The following IGSF10 variants were observed in gnomAD, a reference collection of about 807,000 sequenced individuals.
The protein encoded by IGSF10 is immunoglobulin superfamily member 10, also known as calvaria mechanical force protein 608.
A neutral mutation model predicts 128.2 loss-of-function variants in IGSF10; 126 were observed. The observed-to-expected ratio is 0.98, with a 90% confidence interval of 0.85 to 1.14. The LOEUF is 1.14. IGSF10 is among the 50% of genes most tolerant of loss of function. The pLI, the probability that IGSF10 is intolerant of heterozygous loss-of-function variation, is 0.00. For missense variants in IGSF10, 3,295 were observed against 3,149.8 expected, an observed-to-expected ratio of 1.05 and a Z score of -1.10; for synonymous variants, 1,185 against 1,146.2, an observed-to-expected ratio of 1.03 and a Z score of -0.68.
At chr3:151,528,817 T>C in the IGSF10 span, among the ~76,000 whole-genome samples, 2,056 of 136,846 alleles carry the variant, frequency 0.015, 17 homozygotes, top group South Asian at 0.032. Context: ...TTTTTTTTTT[T>C]CATACCCCAG....
chr3:151,463,531 T>TTTTTGTTTTTTTTTTG (rs1560185468), upstream of IGSF10, among the ~76,000 whole-genome samples: 1 of 61,734 alleles, frequency 1.6e-5, no homozygotes, highest in Non-Finnish European at 3.0e-5. Context: ...TGGTTTTTTT[T>TTTTTGTTTTTTTTTTG]TTTTTTTTTT....
At chr3:151,568,954 T>C in the IGSF10 span, among the ~76,000 whole-genome samples, 2 of 152,208 alleles carry the variant, frequency 1.3e-5, no homozygotes, top group African/African-American at 2.4e-5. Flanking sequence ...TCACAGTCAT[T>C]GCACAGCCCC....
At chr3:151,524,859 G>T in the IGSF10 span, among the ~76,000 whole-genome samples, 3 of 151,812 alleles carry the variant, frequency 2.0e-5, no homozygotes, top group Admixed American at 1.3e-4. Context: ...TCAACTGAGT[G>T]GATTTTGATT....
the IGSF10 span, among the ~76,000 whole-genome samples, chr3:151,552,469 A>G: frequency 6.6e-6 from 1 of 152,236 alleles, no homozygotes; most frequent in African/African-American, 2.4e-5. Context: ...GTAAATATGA[A>G]TTTCAGGAAT....
At chr3:151,492,429 A>G in the IGSF10 span, among the ~76,000 whole-genome samples, 1 of 152,342 alleles carries the variant, frequency 6.6e-6, no homozygotes, top group Non-Finnish European at 1.5e-5. Flanking sequence ...TGGTTCAGCT[A>G]TTATGGAAAA....
intron 5 of IGSF10, among the ~76,000 whole-genome samples, chr3:151,450,027 AGAACAT>A (rs925391510): frequency 7.2e-5 from 11 of 152,178 alleles, no homozygotes; most frequent in Admixed American, 6.5e-5. Flanking sequence ...GGGGGAGGGA[AGAACAT>A]TTTGCCAAGG....
At chr3:151,527,343 G>A in the IGSF10 span, among the ~76,000 whole-genome samples, 1 of 152,108 alleles carries the variant, frequency 6.6e-6, no homozygotes, top group Non-Finnish European at 1.5e-5. Flanking sequence ...ATCAAAACAT[G>A]TCTGTGGGGT....
At chr3:151,506,318 A>G in the IGSF10 span, among the ~76,000 whole-genome samples, 1 of 152,078 alleles carries the variant, frequency 6.6e-6, no homozygotes, top group Non-Finnish European at 1.5e-5. Context: ...TCTTGGCCCT[A>G]TTCCTTTATG....
chr3:151,445,839 G>C lies in IGSF10; in HGVS notation c.4142C>G (p.Thr1381Arg), dbSNP rs772349771. The change falls in exon 6 of 8, where the codon ACA (threonine) becomes AGA (arginine). Residue 1381 changes from threonine (T) to arginine (R), a missense_variant. Physicochemically the swap from Thr to Arg is moderately conservative, Grantham distance 71. Transcript: ENST00000282466. ...ACTGGGCTTGACTGAAGTTTCGGCT[G>C]TGGTTAGAACAGGAGGTGTCATAGC... ...PTAMTPPVLT[T>R]AETSVKPSVS... 2.5e-6 allele frequency: 4 copies of C among 1,614,220 alleles called. No homozygotes were observed. In the South Asian group the frequency reaches 4.4e-5, roughly 18 times the overall value.
chr3:151,613,374 C>A, the IGSF10 span, among the ~76,000 whole-genome samples: 530 of 152,270 alleles, frequency 3.5e-3, 3 homozygotes, highest in African/African-American at 0.012. Context: ...CAAGTCAATC[C>A]TAAGCCAAAA....
chr3:151,515,752 T>TG, the IGSF10 span, among the ~76,000 whole-genome samples: 1 of 149,476 alleles, frequency 6.7e-6, no homozygotes, highest in African/African-American at 2.5e-5. Context: ...TGTGTGTGTG[T>TG]TTGTGTGTAT....
the IGSF10 span, among the ~76,000 whole-genome samples, chr3:151,557,516 T>C: frequency 6.6e-6 from 1 of 152,100 alleles, no homozygotes; most frequent in African/African-American, 2.4e-5. Flanking sequence ...TTCCCTGCAT[T>C]TGCTACTTCC....
chr3:151,498,308 G>A, the IGSF10 span, among the ~76,000 whole-genome samples: 25 of 152,276 alleles, frequency 1.6e-4, no homozygotes, highest in African/African-American at 3.6e-4. Context: ...CTATGGGTTT[G>A]TCATAGATAG....
the IGSF10 span, among the ~76,000 whole-genome samples, chr3:151,512,167 TTC>T: frequency 6.6e-6 from 1 of 152,144 alleles, no homozygotes; most frequent in Non-Finnish European, 1.5e-5. Flanking sequence ...ATACATTCTT[TTC>T]AACACCACAC....
intron 7 of IGSF10, among the ~76,000 whole-genome samples, chr3:151,439,109 AT>A (rs1458791603): frequency 6.6e-6 from 1 of 152,202 alleles, no homozygotes; most frequent in African/African-American, 2.4e-5. Context: ...TTTAAAAAAA[AT>A]CTTAATGAAG....
the IGSF10 span, among the ~76,000 whole-genome samples, chr3:151,537,458 T>G: frequency 0.46 from 69,761 of 152,020 alleles, 16,413 homozygotes; most frequent in South Asian, 0.55. Context: ...TCTGCACTCT[T>G]TAGATGGAGA....
chr3:151,592,781 C>G, the IGSF10 span, among the ~76,000 whole-genome samples: 1 of 152,090 alleles, frequency 6.6e-6, no homozygotes, highest in Non-Finnish European at 1.5e-5. Flanking sequence ...TTTAAGTGCT[C>G]TCAGTGACAC....
In IGSF10 at chr3:151,453,924, A is replaced by G; in HGVS notation, c.325-150T>C. The G allele has an allele frequency of 5.7e-6, 3 of 526,572 alleles. No individual in the cohort carries two copies. The Admixed American group carries it at 1.1e-4, about 19-fold the overall frequency. 32.6% of individuals were successfully genotyped at this position (526,572 alleles called of 1,614,324 possible). ...CCCAATTCAATCAAATTCATTGCAA[A>G]TTAAATATGACAATATCAGAAAAAT... On this transcript the variant is annotated intron_variant, in intron 4 of 7. Coordinates refer to ENST00000282466, the MANE Select transcript of IGSF10 (RefSeq NM_178822.5).
chr3:151,499,287 G>A, the IGSF10 span, among the ~76,000 whole-genome samples: 2 of 152,138 alleles, frequency 1.3e-5, no homozygotes, highest in Non-Finnish European at 2.9e-5. Context: ...AATGCCAACA[G>A]GGAATTGAAT....
Sources: allele counts gnomAD v4.1 joint callset (sites outside exome capture counted in the v4.1 genomes callset), GRCh38; gene constraint gnomAD v4.1.1; transcripts MANE v1.5; gene names NCBI Gene and HGNC (gene_info 2026-07-23, HGNC 2026-07-21).